EXOC3L2: variants seen among roughly 807,000 people sequenced by gnomAD.
The protein encoded by EXOC3L2 is exocyst complex component 3 like 2, also known as exocyst complex component 3-like protein 2.
A neutral mutation model predicts 44.4 loss-of-function variants in EXOC3L2; 17 were observed. That is an observed-to-expected ratio of 0.38 (90% CI 0.26 to 0.57). The LOEUF (loss-of-function observed/expected upper bound fraction) is 0.57, where lower values mean the gene tolerates loss of function less well. Ranked by LOEUF, EXOC3L2 falls within the 20% of genes least tolerant of loss-of-function variation. EXOC3L2 has a pLI of 0.65. For missense variants in EXOC3L2, 541 were observed against 588.4 expected, an observed-to-expected ratio of 0.92 and a Z score of 0.83; for synonymous variants, 256 against 253.7, an observed-to-expected ratio of 1.01 and a Z score of -0.09.
intron 11 of EXOC3L2, 116 bp from the exon 12 acceptor site, chr19:45,213,473 G>A: frequency 7.9e-7 from 1 of 1,268,458 alleles, no homozygotes; most frequent in African/African-American, 1.5e-5. Flanking sequence ...CTGAGTTCTG[G>A]GGCCTCTGTG....
At chr19:45,239,507 C>T (rs539070205) in intron 1 of EXOC3L2, among the ~76,000 whole-genome samples, 12 of 150,012 alleles carry the variant, frequency 8.0e-5, no homozygotes, top group East Asian at 2.0e-4. Flanking sequence ...TGAGCCACCG[C>T]GCCTTGCCTC....
Position 45,231,816 on chromosome 19 carries a change from G to A in EXOC3L2, c.1216C>T (p.Leu406Phe). 6.2e-7 allele frequency: 1 copy of A among 1,610,934 alleles called. No homozygotes were observed. The highest frequency in any genetic ancestry group is 1.7e-5 in the Admixed American group (1 of 59,962). The part of the protein sequence containing the change: ...ALENGELGPL[L>F]SPGTLRGLED... The stretch of plus-strand genomic sequence containing the variant: ...AAACCCCGCAGGGTGCCAGGGGAGA[G>A]AAGGGGCCCCAGCTCCCCATTCTCC... Residue 406 changes from leucine (L) to phenylalanine (F), a missense_variant, in exon 4 of 12, where the codon CTC becomes TTC. Coordinates refer to ENST00000413988, the MANE Select transcript of EXOC3L2 (RefSeq NM_001382422.1).
chr19:45,217,612 G>C lies in EXOC3L2; in HGVS notation c.1914C>G (p.Arg638=). The C allele has an allele frequency of 6.6e-7, 1 of 1,506,066 alleles. No individual in the cohort carries two copies. The highest frequency in any genetic ancestry group is 8.8e-7 in the Non-Finnish European group (1 of 1,135,432). 93.3% of individuals were successfully genotyped at this position (1,506,066 alleles called of 1,614,324 possible). Residue 638 remains arginine, a synonymous_variant, in exon 10 of 12, where the codon CGC becomes CGG. Coordinates refer to ENST00000413988, the MANE Select transcript of EXOC3L2 (RefSeq NM_001382422.1). ...YVRPLLRGRL[R]CSSARTRSRV... The stretch of plus-strand genomic sequence containing the variant: ...GGCTGCGGGTCCGCGCCGAGCTGCA[G>C]CGCAGGCGCCCACGGAGCAGGGGCC...
In EXOC3L2 at chr19:45,218,868, C is replaced by T. The variant is rs10417837; in HGVS notation, c.1720-549G>A. ...ATCCCAGCACTTTGGTAGGCCGAGG[C>T]AGGAGGGTAGCTTGAGCCCAAGAGT... On this transcript the variant is annotated intron_variant, in intron 8 of 11. Coordinates refer to ENST00000413988, the MANE Select transcript of EXOC3L2 (RefSeq NM_001382422.1). 4.0e-3 allele frequency among the ~76,000 whole-genome samples: 615 copies of T among 152,168 alleles called. 4 individuals are homozygous for T. The highest frequency in any genetic ancestry group is 0.014 in the African/African-American group (595 of 41,524).
chr19:45,215,993 G>GAAGC, intron 11 of EXOC3L2, 80 bp downstream of exon 11: 1 of 1,569,282 alleles, frequency 6.4e-7, no homozygotes, highest in East Asian at 2.3e-5. Flanking sequence ...CAGGAGGCAG[G>GAAGC]AAGCACAGGG....
rs568684458 is a variant in EXOC3L2, at chr19:45,216,089, C to A, written c.2104G>T (p.Asp702Tyr). Reference sequence around the variant, plus strand: ...GTGTCTCACCTGATGTCTGGGTAGTCGCGCACCAACACTCCCACCTCCACC... The same window carrying A: ...GTGTCTCACCTGATGTCTGGGTAGTAGCGCACCAACACTCCCACCTCCACC... The part of the protein sequence containing the change: ...IQVEVGVLVR[D>Y]YPDIRQKHVA... The change falls in exon 11 of 12, where the codon GAC becomes TAC. Residue 702 changes from aspartate to tyrosine, a missense_variant. Physicochemically the swap from Asp to Tyr is radical, Grantham distance 160. Transcript: ENST00000413988. 1 of 1,613,818 alleles carries A rather than the reference C, an allele frequency of 6.2e-7. No individual in the cohort carries two copies. The highest frequency in any genetic ancestry group is 8.5e-7 in the Non-Finnish European group (1 of 1,179,906).
intron 8 of EXOC3L2, among the ~76,000 whole-genome samples, chr19:45,223,272 A>G (rs1487390285): frequency 1.3e-5 from 2 of 152,042 alleles, no homozygotes; most frequent in African/African-American, 4.8e-5. Context: ...CCGCTATAGC[A>G]TGGCAGGTGG....
At position 45,224,439 on chromosome 19, in the gene EXOC3L2, C is replaced by T. The variant is rs202035102; in HGVS notation, c.1719+339G>A. ...CCCCCTACCACATTCACTCACCCAC[C>T]TTTGCACCGAACCCCTATAGGGCGG... On this transcript the variant is annotated intron_variant, in intron 8 of 11. Coordinates refer to ENST00000413988, the MANE Select transcript of EXOC3L2 (RefSeq NM_001382422.1). Among the ~76,000 whole-genome samples the T allele has an allele frequency of 6.6e-4, 100 of 152,166 alleles. 1 individual carries two copies. The East Asian group carries it at 0.018, about 27-fold the overall frequency.
At chr19:45,220,548 G>A (rs970771947) in intron 8 of EXOC3L2, among the ~76,000 whole-genome samples, 1 of 152,162 alleles carries the variant, frequency 6.6e-6, no homozygotes, top group African/African-American at 2.4e-5. Context: ...TTAAGACAGT[G>A]ACAGAAGAGC....
rs1213455647 is a variant in EXOC3L2 at position 45,217,514 on chromosome 19, G to A, written c.1998+14C>T. The A allele has an allele frequency of 3.2e-6, 5 of 1,566,822 alleles. No homozygotes were observed. Among genetic ancestry groups the A allele is most frequent in the South Asian group, 1.2e-5 (1 of 86,276 alleles). On this transcript the variant is annotated intron_variant, in intron 10 of 11. Transcript: ENST00000413988. ...TGGTTTCTGAAACACCCCCAACCGC[G>A]TCCCGACACTGACCAGCCGCCGGAA...
At chr19:45,231,028 G>A (rs1038837591) in intron 4 of EXOC3L2, among the ~76,000 whole-genome samples, 1 of 152,052 alleles carries the variant, frequency 6.6e-6, no homozygotes, top group African/African-American at 2.4e-5. Flanking sequence ...GTTCGAGGCT[G>A]TAGTGAGCTG....
chr19:45,216,438 G>A (rs1274347050), intron 10 of EXOC3L2, among the ~76,000 whole-genome samples: 2 of 152,032 alleles, frequency 1.3e-5, no homozygotes, highest in Non-Finnish European at 2.9e-5. Flanking sequence ...AATTAGCCAG[G>A]CGTGGTGGTG....
intron 8 of EXOC3L2, among the ~76,000 whole-genome samples, chr19:45,223,497 C>T (rs964310695): frequency 7.3e-5 from 11 of 151,708 alleles, no homozygotes; most frequent in African/African-American, 2.7e-4. Context: ...TGTGTGCTGC[C>T]ACACCTGGCT....
intron 8 of EXOC3L2, among the ~76,000 whole-genome samples, chr19:45,219,947 G>T (rs1056971864): frequency 3.9e-5 from 6 of 152,070 alleles, no homozygotes; most frequent in African/African-American, 1.4e-4. Flanking sequence ...TGAGGTGGGT[G>T]GATCACTTGA....
chr19:45,240,225 C>G (rs1389804317), intron 1 of EXOC3L2, among the ~76,000 whole-genome samples: 1 of 151,664 alleles, frequency 6.6e-6, no homozygotes, highest in Non-Finnish European at 1.5e-5. Flanking sequence ...GTACCTCAGC[C>G]TCCTCAGCAG....
At chr19:45,231,969 C>A (rs1240668308) in intron 3 of EXOC3L2, 95 bp from the exon 4 acceptor site, 2 of 669,426 alleles carry the variant, frequency 3.0e-6, no homozygotes, top group Non-Finnish European at 2.4e-6. Context: ...TTTCTGTGAC[C>A]CTGGGCCACT....
At chr19:45,229,962 A>T (rs1432465202) in intron 4 of EXOC3L2, among the ~76,000 whole-genome samples, 2 of 146,132 alleles carry the variant, frequency 1.4e-5, no homozygotes, top group Non-Finnish European at 3.1e-5. Context: ...TATACTTAAT[A>T]TTTATATTAA....
chr19:45,216,923 G>T (rs1969841436), intron 10 of EXOC3L2: 2 of 149,942 alleles, frequency 1.3e-5, no homozygotes, highest in Admixed American at 1.3e-4. Flanking sequence ...AATACAACTG[G>T]GTACAAATAA....
At chr19:45,219,818 C>A (rs1325683843) in intron 8 of EXOC3L2, among the ~76,000 whole-genome samples, 1 of 152,162 alleles carries the variant, frequency 6.6e-6, no homozygotes, top group African/African-American at 2.4e-5. Context: ...TGCAAATGCA[C>A]CAAATGAATT....
Sources: allele counts gnomAD v4.1 joint callset (sites outside exome capture counted in the v4.1 genomes callset), GRCh38; gene constraint gnomAD v4.1.1; transcripts MANE v1.5; gene names NCBI Gene and HGNC (gene_info 2026-07-23, HGNC 2026-07-21).